The following ISG20 variants were observed in gnomAD, a reference collection of about 807,000 sequenced individuals.
The protein encoded by ISG20 is interferon-stimulated gene 20 kDa protein.
ISG20 carries 8 observed loss-of-function variants against 11.1 expected under a neutral mutation model. The ratio of observed to expected loss-of-function variants is 0.72; its 90% confidence interval spans 0.42 to 1.30. ISG20 has a LOEUF of 1.30. Ranked by LOEUF, ISG20 falls within the 50% of genes most tolerant of loss-of-function variation. The pLI is 0.01. For synonymous variants in ISG20, 110 were observed against 101.7 expected (o/e 1.08, Z -0.49); for missense variants, 243 against 250.2 (o/e 0.97, Z 0.19).
At chr15:88,646,311 C>T (rs986297376) in intron 2 of ISG20, among the ~76,000 whole-genome samples, 1 of 152,228 alleles carries the variant, frequency 6.6e-6, no homozygotes, top group Non-Finnish European at 1.5e-5. Flanking sequence ...CCATCACTCC[C>T]ATTTTACAGA....
rs756871563 is a variant in ISG20 at position 88,655,524 on chromosome 15, C to CA, written c.540dup (p.Asp181ArgfsTer56). 6.2e-7 allele frequency: 1 copy of CA among 1,613,320 alleles called. No homozygotes were observed. Among genetic ancestry groups the CA allele is most frequent in the Non-Finnish European group, 8.5e-7 (1 of 1,179,654 alleles). On this transcript the variant is annotated frameshift_variant, in exon 4 of 4. Coordinates refer to ENST00000306072, the MANE Select transcript of ISG20 (RefSeq NM_002201.6). LOFTEE classifies it high-confidence loss of function. ...CGAGGGCTGCCCCGCCTGGCTGTGT[C>CA]AGACTGAAGCCCCATCCAGCCCGTT...
chr15:88,641,856 G>A (rs1162516244), intron 2 of ISG20, among the ~76,000 whole-genome samples: 4 of 151,216 alleles, frequency 2.6e-5, no homozygotes, highest in Non-Finnish European at 5.9e-5. Context: ...AGACTCAAGC[G>A]ATCCGCCTGC....
intron 2 of ISG20, among the ~76,000 whole-genome samples, chr15:88,642,639 C>T (rs927306476): frequency 6.6e-6 from 1 of 151,408 alleles, no homozygotes; most frequent in Non-Finnish European, 1.5e-5. Flanking sequence ...TGTTTTGAGA[C>T]GAAGTCTCGC....
intron 2 of ISG20, among the ~76,000 whole-genome samples, chr15:88,642,378 T>C (rs1003588034): frequency 6.6e-6 from 1 of 152,232 alleles, no homozygotes; most frequent in African/African-American, 2.4e-5. Flanking sequence ...GGTTAGGATT[T>C]TAACATATGA....
At chr15:88,642,653 A>T (rs1247686630) in intron 2 of ISG20, among the ~76,000 whole-genome samples, 1 of 151,902 alleles carries the variant, frequency 6.6e-6, no homozygotes, top group East Asian at 2.0e-4. Context: ...GTCTCGCTCT[A>T]TCGCCCAGGC....
chr15:88,650,222 G>C lies in ISG20; in HGVS notation c.229-1888G>C. ...CCTTTCCCTAATAGAGCTCACATCT[G>C]TTCTATTTTCAGGTCCCCTTCCCAT... On this transcript the variant is annotated intron_variant, in intron 2 of 3. Coordinates refer to ENST00000306072, the MANE Select transcript of ISG20 (RefSeq NM_002201.6). This position sits in a 1 kb window ranked among gnomAD's most constrained non-coding sequence, Gnocchi z 4.0. 6.5e-7 allele frequency: 1 copy of C among 1,534,828 alleles called. No individual in the cohort carries two copies. The highest frequency in any genetic ancestry group is 8.7e-7 in the Non-Finnish European group (1 of 1,146,098).
At chr15:88,655,364 C>T (rs2058357146) in intron 3 of ISG20, 51 bp from the exon 4 acceptor site, 1 of 1,515,498 alleles carries the variant, frequency 6.6e-7, no homozygotes, top group Non-Finnish European at 9.2e-7. Context: ...TGTCACGGGG[C>T]CTCTGAATTC....
chr15:88,646,491 C>T (rs1423377484), intron 2 of ISG20, among the ~76,000 whole-genome samples: 1 of 152,180 alleles, frequency 6.6e-6, no homozygotes, highest in Non-Finnish European at 1.5e-5. Flanking sequence ...CGAGGTCCTG[C>T]ATAGCACATG....
In ISG20 at chr15:88,655,397, C is replaced by G. The variant is rs1469464936; in HGVS notation, c.430-18C>G. The stretch of plus-strand genomic sequence containing the variant: ...TTCAGCCTCATCCCAAGTCCCCACT[C>G]TATACTTGTGTCTGCAGAACAGCCT... On this transcript the variant is annotated intron_variant, in intron 3 of 3. Coordinates refer to ENST00000306072, the MANE Select transcript of ISG20 (RefSeq NM_002201.6). The G allele has an allele frequency of 1.9e-6, 3 of 1,610,214 alleles. No individual in the cohort carries two copies. Among genetic ancestry groups the G allele is most frequent in the Admixed American group, 1.7e-5 (1 of 60,000 alleles).
intron 2 of ISG20, among the ~76,000 whole-genome samples, chr15:88,646,610 A>G (rs1271116865): frequency 6.6e-6 from 1 of 152,098 alleles, no homozygotes. Flanking sequence ...TATCATCCAT[A>G]ATGTTTTAAT....
chr15:88,654,561 A>C (rs536411319), intron 3 of ISG20, among the ~76,000 whole-genome samples: 2 of 152,216 alleles, frequency 1.3e-5, no homozygotes, highest in Non-Finnish European at 2.9e-5. Context: ...ACCGGCCAGG[A>C]CACCAGGGCT....
In ISG20 at chr15:88,650,515, G is replaced by T; in HGVS notation, c.229-1595G>T. On this transcript the variant is annotated intron_variant, in intron 2 of 3. Coordinates refer to ENST00000306072, the MANE Select transcript of ISG20 (RefSeq NM_002201.6). This position sits in a 1 kb window ranked among gnomAD's most constrained non-coding sequence, Gnocchi z 4.0. Reference sequence around the variant, plus strand: ...CTGTCCCAGTTATCAAATGGTGCTTGGCAAATCACACCAAAACTTACCGGT... The same window carrying T: ...CTGTCCCAGTTATCAAATGGTGCTTTGCAAATCACACCAAAACTTACCGGT... 7.4e-7 allele frequency: 1 copy of T among 1,350,566 alleles called. No homozygotes were observed. Among genetic ancestry groups the T allele is most frequent in the Non-Finnish European group, 9.7e-7 (1 of 1,030,262 alleles). The allele number at this position is 1,350,566 out of a possible 1,614,324, so 83.7% of individuals were successfully genotyped here.
Position 88,639,493 on chromosome 15 carries a change from A to T in ISG20, c.127A>T (p.Ile43Phe). ...VHGAVLYDKF[I>F]RPEGEITDYR... ...CGGTGCTGTGCTGTACGACAAGTTC[A>T]TCCGGCCTGAGGGAGAGATCACCGA... Residue 43 changes from isoleucine (I) to phenylalanine (F), a missense_variant, in exon 2 of 4, where the codon ATC (isoleucine) becomes TTC (phenylalanine). Coordinates refer to ENST00000306072, the MANE Select transcript of ISG20 (RefSeq NM_002201.6). The surrounding 1 kb of genome is among the most constrained non-coding windows in gnomAD (Gnocchi z 4.2). 13 of 1,614,160 alleles carry T rather than the reference A, an allele frequency of 8.1e-6. No individual in the cohort carries two copies. Among genetic ancestry groups the T allele is most frequent in the Non-Finnish European group, 1.0e-5 (12 of 1,180,032 alleles).
intron 2 of ISG20, chr15:88,647,056 C>G (rs894365932): frequency 6.6e-6 from 1 of 152,342 alleles, no homozygotes; most frequent in Non-Finnish European, 1.5e-5. Context: ...TAGGCATGAG[C>G]CACTGCGCCT....
At chr15:88,651,496 A>T (rs2058272503) in intron 2 of ISG20, 1 of 202,644 alleles carries the variant, frequency 4.9e-6, no homozygotes, top group African/African-American at 2.4e-5. Flanking sequence ...AGGCTGCCTG[A>T]ATACCTTAAC....
intron 2 of ISG20, chr15:88,649,637 C>G (rs969011535): frequency 2.0e-5 from 3 of 153,796 alleles, no homozygotes; most frequent in African/African-American, 7.2e-5. Context: ...CCGCTGCGTG[C>G]TGGGTGGTTT....
chr15:88,640,881 C>T (rs2058069076), intron 2 of ISG20, among the ~76,000 whole-genome samples: 2 of 151,434 alleles, frequency 1.3e-5, no homozygotes, highest in African/African-American at 4.9e-5. Context: ...ATCACTTGAG[C>T]TCAGAAGGTC....
Position 88,656,281 on chromosome 15 carries a change from T to G in ISG20, c.*750T>G, listed in dbSNP as rs964652818. 2 of 152,188 alleles carry G rather than the reference T, an allele frequency of 1.3e-5. No individual in the cohort carries two copies. The highest frequency in any genetic ancestry group is 4.8e-5 in the African/African-American group (2 of 41,440). The allele number at this position is 152,188 out of a possible 1,614,324, so 9.4% of individuals were successfully genotyped here. A position where few individuals can be genotyped will look rare whatever the true frequency, so the allele number is the denominator to read the frequency against. ...GATAAGTAATTGTTCTTCCCTGGAC[T>G]GCCTGCACATCTAGGGCACCCCAGG... is the stretch of plus-strand genomic sequence containing the variant. On this transcript the variant is annotated 3_prime_UTR_variant, in exon 4 of 4. Coordinates refer to ENST00000306072, the MANE Select transcript of ISG20 (RefSeq NM_002201.6).
Position 88,652,117 on chromosome 15 carries a change from A to G in ISG20, c.236A>G (p.Gln79Arg). 6.2e-7 allele frequency: 1 copy of G among 1,614,054 alleles called. No individual in the cohort carries two copies. Among genetic ancestry groups the G allele is most frequent in the African/African-American group, 1.3e-5 (1 of 75,026 alleles). The change falls in exon 3 of 4, where the codon CAG (glutamine) becomes CGG (arginine). Residue 79 changes from glutamine (Q) to arginine (R), a missense_variant. Transcript: ENST00000306072. ...ACATGTCTTCCTGGCCAGATCCTGC[A>G]GCTCCTGAAAGGCAAGCTGGTGGTG... The part of the protein sequence containing the change: ...PFAVARLEIL[Q>R]LLKGKLVVGH...
Sources: allele counts gnomAD v4.1 joint callset (sites outside exome capture counted in the v4.1 genomes callset), GRCh38; gene constraint gnomAD v4.1.1; non-coding constraint Gnocchi (gnomAD v3.1); transcripts MANE v1.5; gene names NCBI Gene and HGNC (gene_info 2026-07-23, HGNC 2026-07-21).